The following RFC3 variants were observed in gnomAD, a reference collection of about 807,000 sequenced individuals.
RFC3 encodes the protein replication factor C subunit 3.
A neutral mutation model predicts 45.1 loss-of-function variants in RFC3; 41 were observed. That is an observed-to-expected ratio of 0.91 (90% confidence interval 0.71 to 1.18). The LOEUF (loss-of-function observed/expected upper bound fraction) is 1.18. Among genes scored for constraint, RFC3 ranks in the 50% most tolerant of loss-of-function variants. The pLI, the probability that RFC3 is intolerant of heterozygous loss-of-function variation, is 0.00. For synonymous variants in RFC3, 149 were observed against 144.0 expected (o/e 1.03, Z -0.25); for missense variants, 423 against 428.1 (o/e 0.99, Z 0.10).
chr13:33,856,229 T>G (rs565476371), intron 8 of RFC3, among the ~76,000 whole-genome samples: 2 of 152,248 alleles, frequency 1.3e-5, no homozygotes, highest in Middle Eastern at 3.4e-3. Context: ...GCAAACTAAT[T>G]CAGGAACAGA....
rs115545449 is a variant in RFC3, at chr13:33,874,389, C to T, written c.879+39172C>T. Reference sequence around the variant, plus strand: ...CTGGAGTGCAGTGGTGCAGTCTCGGCTAACTGCAAGCTCCGCCTTCCAGGT... The same window carrying T: ...CTGGAGTGCAGTGGTGCAGTCTCGGTTAACTGCAAGCTCCGCCTTCCAGGT... On this transcript the variant is annotated intron_variant, in intron 8 of 8. Coordinates refer to the RFC3 transcript ENST00000434425. Among the ~76,000 whole-genome samples, 1,226 of 152,314 alleles carry T rather than the reference C, an allele frequency of 8.0e-3. 10 individuals are homozygous for T. The highest frequency in any genetic ancestry group is 0.028 in the African/African-American group (1,177 of 41,554).
intron 8 of RFC3, among the ~76,000 whole-genome samples, chr13:33,925,696 C>A (rs913343846): frequency 6.6e-6 from 1 of 151,196 alleles, no homozygotes; most frequent in Non-Finnish European, 1.5e-5. Context: ...TATATACACA[C>A]ACACACACAC....
chr13:33,972,489 C>T, the RFC3 span, among the ~76,000 whole-genome samples: 2 of 152,134 alleles, frequency 1.3e-5, no homozygotes, highest in Non-Finnish European at 1.5e-5. Context: ...TTAAGTTTGA[C>T]TTTATGTTTT....
intron 8 of RFC3, among the ~76,000 whole-genome samples, chr13:33,877,510 A>G (rs2082455996): frequency 6.6e-6 from 1 of 152,160 alleles, no homozygotes; most frequent in South Asian, 2.1e-4. Context: ...AGGAATATGA[A>G]TGTCATTCTA....
At chr13:33,905,220 C>T (rs993245546) in intron 8 of RFC3, among the ~76,000 whole-genome samples, 3 of 144,826 alleles carry the variant, frequency 2.1e-5, no homozygotes, top group African/African-American at 7.8e-5. Flanking sequence ...ACAACTACAG[C>T]ACAATGATGT....
chr13:33,877,334 T>A (rs1312613869), intron 8 of RFC3, among the ~76,000 whole-genome samples: 2 of 152,188 alleles, frequency 1.3e-5, no homozygotes, highest in African/African-American at 4.8e-5. Context: ...CCACAGACAT[T>A]CTTTCATTAA....
At chr13:33,909,584 A>G (rs1162325766) in intron 8 of RFC3, among the ~76,000 whole-genome samples, 2 of 150,686 alleles carry the variant, frequency 1.3e-5, no homozygotes, top group East Asian at 3.9e-4. Context: ...TCTTTCTTCT[A>G]TTCTTCTTTC....
chr13:33,941,166 A>T (rs899563375), intron 8 of RFC3, among the ~76,000 whole-genome samples: 1 of 152,072 alleles, frequency 6.6e-6, no homozygotes, highest in African/African-American at 2.4e-5. Context: ...CAGCAGGGGT[A>T]GTAACCTGGG....
At chr13:33,907,933 A>C (rs937122657) in intron 8 of RFC3, among the ~76,000 whole-genome samples, 6 of 152,036 alleles carry the variant, frequency 3.9e-5, no homozygotes, top group African/African-American at 2.4e-5. Flanking sequence ...ATATTTTAAA[A>C]AATTCTTTCT....
At chr13:33,913,249 C>T (rs188193083) in intron 8 of RFC3, among the ~76,000 whole-genome samples, 7 of 152,156 alleles carry the variant, frequency 4.6e-5, no homozygotes, top group African/African-American at 1.4e-4. Context: ...TCTCAGCACT[C>T]AAAGCAGTCC....
chr13:33,896,001 C>G (rs2082595482), intron 8 of RFC3, among the ~76,000 whole-genome samples: 1 of 151,954 alleles, frequency 6.6e-6, no homozygotes, highest in Non-Finnish European at 1.5e-5. Context: ...ACTTTGGAGA[C>G]TCAGAATGGG....
chr13:33,881,903 G>GT (rs1186178803), intron 8 of RFC3, among the ~76,000 whole-genome samples: 3 of 152,102 alleles, frequency 2.0e-5, no homozygotes, highest in Admixed American at 6.6e-5. Context: ...GGAGCACTGT[G>GT]GTATAAAGAG....
At chr13:33,834,861 C>A (rs1317074628) in intron 7 of RFC3, among the ~76,000 whole-genome samples, 1 of 152,042 alleles carries the variant, frequency 6.6e-6, no homozygotes, top group South Asian at 2.1e-4. Context: ...AATTAGGAAC[C>A]CTGAATATAG....
At position 33,836,514 on chromosome 13, in the gene RFC3, C is replaced by T. The variant is rs1185900314; in HGVS notation, c.*219C>T. ...GTACATAACTTAGAGACTTTAGAGT[C>T]TAAGAAAATGATCTTAATTTACTTT... is the stretch of plus-strand genomic sequence containing the variant. On this transcript the variant is annotated 3_prime_UTR_variant, in exon 9 of 9. Coordinates refer to ENST00000380071, the MANE Select transcript of RFC3 (RefSeq NM_002915.4). 8 of 1,250,538 alleles carry T rather than the reference C, an allele frequency of 6.4e-6. No individual in the cohort carries two copies. The highest frequency in any genetic ancestry group is 8.1e-6 in the Non-Finnish European group (8 of 992,376). The allele number at this position is 1,250,538 out of a possible 1,614,324, so 77.5% of individuals were successfully genotyped here.
chr13:33,872,118 G>A (rs1193439335), intron 8 of RFC3, among the ~76,000 whole-genome samples: 3 of 151,834 alleles, frequency 2.0e-5, no homozygotes, highest in African/African-American at 4.8e-5. Flanking sequence ...TTGTTTGTTC[G>A]ACTTCATGTC....
chr13:33,899,015 G>T (rs2082620005), intron 8 of RFC3, among the ~76,000 whole-genome samples: 1 of 151,248 alleles, frequency 6.6e-6, no homozygotes, highest in Admixed American at 6.6e-5. Flanking sequence ...GTAATAAAAA[G>T]TCTCCCATCA....
In RFC3 at chr13:33,818,234, A is replaced by G. The variant is rs570937436; in HGVS notation, c.56A>G (p.His19Arg). The G allele has an allele frequency of 1.2e-6, 2 of 1,613,620 alleles. No individual in the cohort carries two copies. Among genetic ancestry groups the G allele is most frequent in the Admixed American group, 1.7e-5 (1 of 60,020 alleles). Residue 19 changes from histidine to arginine, a missense_variant, in exon 1 of 9, where the codon CAC becomes CGC. Physicochemically the swap from His to Arg is conservative, Grantham distance 29 (BLOSUM62 0). Transcript: ENST00000380071. Reference sequence around the variant, plus strand: ...TGCTCCTTGGGACGGCTGGACTATCACAAGGAGCAGGCGGCCCAGCTGCGG... The same window carrying G: ...TGCTCCTTGGGACGGCTGGACTATCGCAAGGAGCAGGCGGCCCAGCTGCGG... ...RPCSLGRLDY[H>R]KEQAAQLRNL... is the part of the protein sequence containing the mutation.
At chr13:33,872,019 C>T (rs759183820) in intron 8 of RFC3, among the ~76,000 whole-genome samples, 3 of 152,146 alleles carry the variant, frequency 2.0e-5, no homozygotes, top group Non-Finnish European at 4.4e-5. Flanking sequence ...ATTTTATTAA[C>T]GTTCAGACAG....
intron 8 of RFC3, among the ~76,000 whole-genome samples, chr13:33,929,234 T>C (rs1326253923): frequency 6.6e-6 from 1 of 152,100 alleles, no homozygotes. Flanking sequence ...GAAGAAGACA[T>C]TGCTATCATG....
Sources: gnomAD v4.1 joint callset for allele counts (sites outside exome capture counted in the v4.1 genomes callset) on GRCh38, gnomAD v4.1.1 for gene constraint, MANE v1.5 for transcripts, NCBI Gene and HGNC (gene_info 2026-07-23, HGNC 2026-07-21) for gene names.